The following C1QTNF3 variants were observed in gnomAD, a reference collection of about 807,000 sequenced individuals.
C1QTNF3 encodes the protein complement C1q tumor necrosis factor-related protein 3.
Under a neutral mutation model 32.6 loss-of-function variants are expected in C1QTNF3, and 26 were observed. The observed-to-expected ratio is 0.80, with a 90% CI of 0.58 to 1.11. The LOEUF (loss-of-function observed/expected upper bound fraction) is 1.11. Among genes scored for constraint, C1QTNF3 ranks in the 50% least tolerant of loss-of-function variants. The pLI is 0.00. For synonymous variants in C1QTNF3, 155 were observed against 146.0 expected (o/e 1.06, Z -0.44); for missense variants, 362 against 398.2 (o/e 0.91, Z 0.77).
chr5:34,036,128 C>A (rs1369747820), intron 1 of C1QTNF3, among the ~76,000 whole-genome samples: 1 of 152,096 alleles, frequency 6.6e-6, no homozygotes, highest in Non-Finnish European at 1.5e-5. Context: ...ACTGCCATAG[C>A]CCCAGATGTA....
At chr5:34,106,399 A>G in the C1QTNF3 span, 5 of 151,650 alleles carry the variant, frequency 3.3e-5, no homozygotes, top group African/African-American at 1.2e-4. Flanking sequence ...GTTATTAGGA[A>G]AAATATATAT....
the C1QTNF3 span, among the ~76,000 whole-genome samples, chr5:34,100,465 T>C: frequency 2.6e-5 from 4 of 151,838 alleles, no homozygotes; most frequent in Non-Finnish European, 5.9e-5. Flanking sequence ...TTAACATATA[T>C]TAAAACAGTG....
chr5:34,059,031 G>A, the C1QTNF3 span, among the ~76,000 whole-genome samples: 1 of 152,212 alleles, frequency 6.6e-6, no homozygotes, highest in Admixed American at 6.5e-5. Context: ...CAGGAGAGCA[G>A]ATGCAAAGCT....
At chr5:34,039,734 G>A (rs376520068) in intron 1 of C1QTNF3, among the ~76,000 whole-genome samples, 1 of 152,120 alleles carries the variant, frequency 6.6e-6, no homozygotes, top group African/African-American at 2.4e-5. Flanking sequence ...CACTACAGTC[G>A]TCTCGCATTT....
chr5:34,236,306 G>A, the C1QTNF3 span, among the ~76,000 whole-genome samples: 6 of 151,810 alleles, frequency 4.0e-5, no homozygotes, highest in East Asian at 3.9e-4. Context: ...CAGGAGAATC[G>A]CTTGAACCCA....
the C1QTNF3 span, among the ~76,000 whole-genome samples, chr5:34,054,078 G>A: frequency 1.5e-3 from 228 of 152,304 alleles, 2 homozygotes; most frequent in African/African-American, 5.3e-3. Flanking sequence ...GTGTGACCTT[G>A]AGCCTTTTGC....
the C1QTNF3 span, among the ~76,000 whole-genome samples, chr5:34,120,290 A>G: frequency 6.6e-6 from 1 of 152,110 alleles, no homozygotes. Flanking sequence ...TTTGTTTTAG[A>G]TCATATCAGT....
At chr5:34,065,542 C>A in the C1QTNF3 span, among the ~76,000 whole-genome samples, 3 of 152,108 alleles carry the variant, frequency 2.0e-5, no homozygotes, top group African/African-American at 7.2e-5. Context: ...TGGCATCTGC[C>A]TGTAATCCCA....
chr5:34,123,059 AC>A, the C1QTNF3 span, among the ~76,000 whole-genome samples: 3 of 151,276 alleles, frequency 2.0e-5, no homozygotes, highest in Non-Finnish European at 4.4e-5. Flanking sequence ...TGTGTATTTC[AC>A]CCAGGAAAGC....
chr5:34,027,556 G>C (rs1194678455), intron 4 of C1QTNF3, among the ~76,000 whole-genome samples: 1 of 152,016 alleles, frequency 6.6e-6, no homozygotes, highest in East Asian at 1.9e-4. Context: ...AAATTAGCCA[G>C]GTGTGGTGGC....
At chr5:34,047,516 G>T (rs144050880), upstream of C1QTNF3, among the ~76,000 whole-genome samples, 53 of 152,262 alleles carry the variant, frequency 3.5e-4, no homozygotes, top group East Asian at 7.7e-3. Context: ...ACGTGTCTTT[G>T]TATCAGTGCC....
chr5:34,065,338 C>G, the C1QTNF3 span, among the ~76,000 whole-genome samples: 25 of 152,066 alleles, frequency 1.6e-4, no homozygotes, highest in African/African-American at 5.8e-4. Flanking sequence ...CACAATAACA[C>G]GCCATCCCAC....
intron 3 of C1QTNF3, 191 bp from the exon 4 acceptor site, chr5:34,029,074 T>C: frequency 2.3e-6 from 1 of 426,480 alleles, no homozygotes; most frequent in Non-Finnish European, 4.2e-6. Flanking sequence ...ATTGACAATG[T>C]CTATCAACAG....
the C1QTNF3 span, among the ~76,000 whole-genome samples, chr5:34,131,500 T>C: frequency 2.9e-4 from 44 of 152,048 alleles, no homozygotes; most frequent in South Asian, 8.9e-3. Context: ...CAAGAGGACA[T>C]TATGTTACGT....
the C1QTNF3 span, among the ~76,000 whole-genome samples, chr5:34,102,784 G>C: frequency 6.7e-6 from 1 of 149,856 alleles, no homozygotes; most frequent in South Asian, 2.2e-4. Flanking sequence ...TCATAGGTGG[G>C]AATTGAACAA....
the C1QTNF3 span, among the ~76,000 whole-genome samples, chr5:34,222,653 G>A: frequency 2.6e-5 from 4 of 151,882 alleles, no homozygotes; most frequent in Admixed American, 1.3e-4. Context: ...TATGCAATGA[G>A]TGTCACTTAT....
Position 34,028,784 on chromosome 5 carries a change from T to C in C1QTNF3, c.670A>G (p.Met224Val). Residue 224 changes from methionine (M) to valine (V), a missense_variant, in exon 4 of 6, where the codon ATG becomes GTG. Met to Val is a conservative substitution (Grantham distance 21). Transcript: ENST00000382065. ...ACTGGGGCCCCAAATCTACCAGTCATGACATCAAAGAAGTTTCCAATGTTG... is the reference window on the plus strand; with the variant it reads ...ACTGGGGCCCCAAATCTACCAGTCACGACATCAAAGAAGTTTCCAATGTTG... ...ETNIGNFFDV[M>V]TGRFGAPVSG... 6.2e-7 allele frequency: 1 copy of C among 1,611,098 alleles called. No individual in the cohort carries two copies. The highest frequency in any genetic ancestry group is 1.7e-5 in the Admixed American group (1 of 59,658).
At position 34,043,089 on chromosome 5, in the gene C1QTNF3, C is replaced by G; in HGVS notation, c.37G>C (p.Ala13Pro). The change falls in exon 1 of 6, where the codon GCT (alanine) becomes CCT (proline). Residue 13 changes from alanine to proline, a missense_variant. Physicochemically the swap from Ala to Pro is conservative, Grantham distance 27 (BLOSUM62 -1). Transcript: ENST00000382065. ...AGGCAAAAAGGGAGGAAAAACAAAG[C>G]CAGCAGTTGCCAATAGATGAGCTGC... ...WRQLIYWQLLALFFLPFCLCQ... is the reference protein window; with the variant it reads ...WRQLIYWQLLPLFFLPFCLCQ... The G allele has an allele frequency of 6.2e-7, 1 of 1,613,632 alleles. No individual in the cohort carries two copies. The highest frequency in any genetic ancestry group is 8.5e-7 in the Non-Finnish European group (1 of 1,179,998).
chr5:34,197,995 G>A, the C1QTNF3 span, among the ~76,000 whole-genome samples: 246 of 148,384 alleles, frequency 1.7e-3, 3 homozygotes, highest in South Asian at 0.02. Flanking sequence ...CAGTACTTTG[G>A]GAGGCTGAGG....
Sources: allele counts gnomAD v4.1 joint callset (sites outside exome capture counted in the v4.1 genomes callset), GRCh38; gene constraint gnomAD v4.1.1; transcripts MANE v1.5; gene names NCBI Gene and HGNC (gene_info 2026-07-23, HGNC 2026-07-21).